GDI2: variants seen among roughly 807,000 people sequenced by gnomAD.
GDI2 encodes rab GDP dissociation inhibitor beta.
Under a neutral mutation model 54.2 loss-of-function variants are expected in GDI2, and 22 were observed. The ratio of observed to expected loss-of-function variants is 0.41; its 90% CI spans 0.29 to 0.58. The LOEUF (loss-of-function observed/expected upper bound fraction) is 0.58. GDI2 is among the 20% of genes least tolerant of loss of function. GDI2 has a pLI of 0.35. For synonymous variants in GDI2, 177 were observed against 182.1 expected, an observed-to-expected ratio of 0.97 and a Z score of 0.23; for missense variants, 422 against 546.0, an observed-to-expected ratio of 0.77 and a Z score of 2.26.
intron 6 of GDI2, among the ~76,000 whole-genome samples, chr10:5,784,439 G>A (rs1228860965): frequency 6.6e-6 from 1 of 152,080 alleles, no homozygotes; most frequent in African/African-American, 2.4e-5. Context: ...AGAGATTTTT[G>A]TCTTGGTTTA....
chr10:5,795,620 T>C (rs1182402177), intron 3 of GDI2, among the ~76,000 whole-genome samples: 1 of 152,192 alleles, frequency 6.6e-6, no homozygotes, highest in Non-Finnish European at 1.5e-5. Flanking sequence ...TTATTAGAGA[T>C]ATGAGGTTTG....
chr10:5,797,882 C>A (rs1841182634), intron 2 of GDI2, among the ~76,000 whole-genome samples: 1 of 152,156 alleles, frequency 6.6e-6, no homozygotes, highest in Non-Finnish European at 1.5e-5. Flanking sequence ...CTATCAAAGG[C>A]TTAATTTTGC....
intron 7 of GDI2, among the ~76,000 whole-genome samples, chr10:5,772,626 A>G (rs913685814): frequency 3.0e-4 from 46 of 152,202 alleles, no homozygotes; most frequent in Admixed American, 2.2e-3. Flanking sequence ...GCATGGTGGC[A>G]TGCATCTGTA....
intron 6 of GDI2, among the ~76,000 whole-genome samples, chr10:5,780,391 C>T (rs1188896720): frequency 6.6e-6 from 1 of 151,588 alleles, no homozygotes. Flanking sequence ...ATTCTCATCC[C>T]TGCGACATTA....
Position 5,794,922 on chromosome 10 carries a change from G to A in GDI2, c.351C>T (p.Tyr117=). The A allele has an allele frequency of 6.2e-7, 1 of 1,606,290 alleles. No homozygotes were observed. The highest frequency in any genetic ancestry group is 8.5e-7 in the Non-Finnish European group (1 of 1,172,930). ...CTTCTGCTTCAGTGGAAGGAACCTT[G>A]TAGATTTTTCCACCCTTATAGACAA... ...GSFVYKGGKI[Y]KVPSTEAEAL... Residue 117 remains tyrosine, a synonymous_variant, in exon 4 of 11, where the codon TAC becomes TAT. Coordinates refer to ENST00000380191, the MANE Select transcript of GDI2 (RefSeq NM_001494.4).
At chr10:5,783,759 A>G (rs1168585048) in intron 6 of GDI2, among the ~76,000 whole-genome samples, 1 of 152,234 alleles carries the variant, frequency 6.6e-6, no homozygotes, top group Non-Finnish European at 1.5e-5. Context: ...AGGAGGCTCA[A>G]GATAGGATCC....
At chr10:5,770,853 C>T (rs1840472941) in intron 7 of GDI2, among the ~76,000 whole-genome samples, 1 of 148,800 alleles carries the variant, frequency 6.7e-6, no homozygotes, top group Non-Finnish European at 1.5e-5. Context: ...GTAATCCCAG[C>T]TACTCAGGAG....
chr10:5,796,344 G>A lies in GDI2; in HGVS notation c.253+419C>T, dbSNP rs576200825. On this transcript the variant is annotated intron_variant, in intron 3 of 10. Transcript: ENST00000380191. Reference sequence around the variant, plus strand: ...AGCCTGGGTGACAGAGCGAGACTCCGTCTCAAAAAAAAAAAAAGAAAAAGA... The same window carrying A: ...AGCCTGGGTGACAGAGCGAGACTCCATCTCAAAAAAAAAAAAAGAAAAAGA... 8.9e-3 allele frequency among the ~76,000 whole-genome samples: 539 copies of A among 60,608 alleles called. 4 individuals carry two copies. The highest frequency in any genetic ancestry group is 0.021 in the African/African-American group (501 of 24,328). The allele number at this position is 60,608 out of a possible 152,430, so 39.8% of individuals were successfully genotyped here.
chr10:5,788,703 C>G (rs1564394174), intron 4 of GDI2, among the ~76,000 whole-genome samples: 1 of 152,020 alleles, frequency 6.6e-6, no homozygotes. Flanking sequence ...ACAGACAGGA[C>G]AAGCTTGATG....
At chr10:5,808,517 T>C (rs1444419181) in intron 1 of GDI2, among the ~76,000 whole-genome samples, 2 of 151,446 alleles carry the variant, frequency 1.3e-5, no homozygotes, top group East Asian at 2.0e-4. Context: ...CTACTAAACA[T>C]ACAAAAAAAT....
chr10:5,787,122 C>A (rs1325513746), intron 4 of GDI2, among the ~76,000 whole-genome samples: 2 of 152,198 alleles, frequency 1.3e-5, no homozygotes, highest in African/African-American at 4.8e-5. Flanking sequence ...AAAACAAACT[C>A]TCAAATGTTT....
chr10:5,766,273 G>A lies in GDI2; in HGVS notation c.1159C>T (p.Leu387=). 1 of 1,613,656 alleles carries A rather than the reference G, an allele frequency of 6.2e-7. No individual in the cohort carries two copies. The highest frequency in any genetic ancestry group is 8.5e-7 in the Non-Finnish European group (1 of 1,179,542). ...TCTGTTCCCAAGTCTTTTGGTACCA[G>A]GAGGTCACTGATGCTAACAAATCTG... is the stretch of plus-strand genomic sequence containing the variant. ...EQKFVSISDL[L]VPKDLGTESQ... Residue 387 remains leucine (L), a synonymous_variant, in exon 10 of 11, where the codon CTG becomes TTG. Coordinates refer to ENST00000380191, the MANE Select transcript of GDI2 (RefSeq NM_001494.4). This position sits in a 1 kb window ranked among gnomAD's most constrained non-coding sequence, Gnocchi z 5.8.
intron 1 of GDI2, among the ~76,000 whole-genome samples, chr10:5,810,233 T>C (rs1261608131): frequency 3.3e-5 from 5 of 152,232 alleles, no homozygotes; most frequent in Admixed American, 2.6e-4. Flanking sequence ...TCATCTGGTA[T>C]ACATCACTAA....
rs1435435947 is a variant in GDI2 at position 5,774,488 on chromosome 10, G to C, written c.720-547C>G. The stretch of plus-strand genomic sequence containing the variant: ...CTACACCTCATTTTCTTTGGCTGGA[G>C]GCGTTCAACCCCCATACACGGTTTT... On this transcript the variant is annotated intron_variant, in intron 6 of 10. Coordinates refer to ENST00000380191, the MANE Select transcript of GDI2 (RefSeq NM_001494.4). This position sits in a 1 kb window ranked among gnomAD's most constrained non-coding sequence, Gnocchi z 4.8. 6.6e-6 allele frequency among the ~76,000 whole-genome samples: 1 copy of C among 152,210 alleles called. No homozygotes were observed. Among genetic ancestry groups the C allele is most frequent in the Middle Eastern group, 3.4e-3 (1 of 294 alleles).
chr10:5,798,041 T>C (rs899798071), intron 2 of GDI2, among the ~76,000 whole-genome samples: 4 of 152,222 alleles, frequency 2.6e-5, no homozygotes, highest in Non-Finnish European at 5.9e-5. Context: ...TGCATACATT[T>C]TGGTGAGTCT....
chr10:5,791,262 T>C (rs1309873761), intron 4 of GDI2, among the ~76,000 whole-genome samples: 3 of 152,106 alleles, frequency 2.0e-5, no homozygotes, highest in African/African-American at 7.2e-5. Context: ...GCCACTGCAC[T>C]CCAGCCAGAG....
chr10:5,787,394 C>G (rs1255728681), intron 4 of GDI2, among the ~76,000 whole-genome samples: 8 of 152,092 alleles, frequency 5.3e-5, no homozygotes, highest in Non-Finnish European at 1.0e-4. Context: ...ATCCCAACTA[C>G]TTGGAAGGCT....
intron 6 of GDI2, among the ~76,000 whole-genome samples, chr10:5,783,975 T>C (rs576128463): frequency 1.8e-3 from 268 of 152,346 alleles, no homozygotes; most frequent in African/African-American, 6.1e-3. Context: ...TGTATTTGGA[T>C]GTCTAGATCT....
At position 5,794,191 on chromosome 10, in the gene GDI2, ATATATATATATATATATAT is replaced by A. The variant is rs1841091421; in HGVS notation, c.388+675_388+693del. On this transcript the variant is annotated intron_variant, in intron 4 of 10. Transcript: ENST00000380191. ...TTAAAAGAAAAAAAAAAAAAAAAAT[ATATATATATATATATATAT>A]ATATATATATATATATATATATAAA... Among the ~76,000 whole-genome samples the A allele has an allele frequency of 1.0e-3, 33 of 31,932 alleles. 6 individuals carry two copies. Among genetic ancestry groups the A allele is most frequent in the Non-Finnish European group, 1.4e-3 (27 of 18,834 alleles). 20.9% of individuals were successfully genotyped at this position (31,932 alleles called of 152,430 possible). A position where few individuals can be genotyped will look rare whatever the true frequency, so the allele number is the denominator to read the frequency against.
Sources: allele counts gnomAD v4.1 joint callset (sites outside exome capture counted in the v4.1 genomes callset), GRCh38; gene constraint gnomAD v4.1.1; non-coding constraint Gnocchi (gnomAD v3.1); transcripts MANE v1.5; gene names NCBI Gene and HGNC (gene_info 2026-07-23, HGNC 2026-07-21).